TNNI3K: variants seen among roughly 807,000 people sequenced by gnomAD.
TNNI3K encodes the protein serine/threonine-protein kinase TNNI3K.
Under a neutral mutation model 114.5 loss-of-function variants are expected in TNNI3K, and 140 were observed. The ratio of observed to expected loss-of-function variants is 1.22; its 90% CI spans 1.07 to 1.41. The LOEUF is 1.41. Ranked by LOEUF, TNNI3K falls within the 40% of genes most tolerant of loss-of-function variation. TNNI3K has a pLI of 0.00. For synonymous variants in TNNI3K, 347 were observed against 347.5 expected (o/e 1.00, Z 0.02); for missense variants, 1,125 against 1,007.6 (o/e 1.12, Z -1.58).
At chr1:74,401,136 G>A (rs1570575747) in intron 17 of TNNI3K, among the ~76,000 whole-genome samples, 1 of 152,180 alleles carries the variant, frequency 6.6e-6, no homozygotes, top group African/African-American at 2.4e-5. Flanking sequence ...AGTGAGGGTA[G>A]CCTCTATACC....
chr1:74,514,727 A>G (rs891015425), intron 23 of TNNI3K, among the ~76,000 whole-genome samples: 11 of 152,026 alleles, frequency 7.2e-5, no homozygotes, highest in Non-Finnish European at 1.3e-4. Context: ...TCTGTTTGGA[A>G]CTCATGATAA....
intron 21 of TNNI3K, among the ~76,000 whole-genome samples, chr1:74,465,600 C>G (rs1328673043): frequency 6.6e-6 from 1 of 152,194 alleles, no homozygotes; most frequent in African/African-American, 2.4e-5. Context: ...CCCTGCTTCA[C>G]GGCACCGGGT....
intron 17 of TNNI3K, among the ~76,000 whole-genome samples, chr1:74,401,161 C>T (rs989408821): frequency 1.3e-5 from 2 of 152,098 alleles, no homozygotes; most frequent in African/African-American, 4.8e-5. Context: ...GAAAAGCTTT[C>T]GTAGAAACAT....
At chr1:74,482,302 A>C (rs112244813) in intron 21 of TNNI3K, among the ~76,000 whole-genome samples, 1 of 152,218 alleles carries the variant, frequency 6.6e-6, no homozygotes, top group Admixed American at 6.5e-5. Context: ...CTTCACAAAT[A>C]TGGTGTTCTG....
Position 74,235,473 on chromosome 1 carries a change from C to A in TNNI3K, c.22C>A (p.Pro8Thr). The A allele has an allele frequency of 6.6e-7, 1 of 1,510,408 alleles. No individual in the cohort carries two copies. Among genetic ancestry groups the A allele is most frequent in the South Asian group, 1.2e-5 (1 of 84,434 alleles). 93.6% of individuals were successfully genotyped at this position (1,510,408 alleles called of 1,614,324 possible). A position where few individuals can be genotyped will look rare whatever the true frequency, so the allele number is the denominator to read the frequency against. Residue 8 changes from proline to threonine, a missense_variant, in exon 1 of 25, where the codon CCA (proline) becomes ACA (threonine). By Grantham distance (38) the Pro-to-Thr change is conservative. Transcript: ENST00000326637. Reference protein sequence around the residue: MGNYKSRPTQTCTDEWKK... With the variant: MGNYKSRTTQTCTDEWKK... ...ATAAATGGGAAATTATAAATCTAGA[C>A]CAACCCAAACTTGTACTGGTAATTA...
At chr1:74,482,502 A>G (rs9326113) in intron 21 of TNNI3K, among the ~76,000 whole-genome samples, 11,379 of 152,258 alleles carry the variant, frequency 0.075, 999 homozygotes, top group African/African-American at 0.22. Flanking sequence ...ACTATCCATG[A>G]AAACCTCTCT....
At chr1:74,258,400 G>T (rs1367559176) in intron 4 of TNNI3K, among the ~76,000 whole-genome samples, 14 of 152,124 alleles carry the variant, frequency 9.2e-5, no homozygotes. Context: ...AGTATTTCAG[G>T]CAGAAAACCA....
rs557010893 is a variant in TNNI3K at position 74,465,030 on chromosome 1, A to G, written c.2121+1480A>G. 5.5e-6 allele frequency: 6 copies of G among 1,087,306 alleles called. No homozygotes were observed. The African/African-American group carries it at 6.6e-5, about 12-fold the overall frequency. The allele number at this position is 1,087,306 out of a possible 1,614,324, so 67.4% of individuals were successfully genotyped here. The stretch of plus-strand genomic sequence containing the variant: ...ATAGTTTAGGAAAACATTTTCTTGT[A>G]TTTCAGTGTGAACCTCAGAAAAAGT... On this transcript the variant is annotated intron_variant, in intron 21 of 24. Transcript: ENST00000326637.
At chr1:74,518,661 T>C (rs141731939) in intron 23 of TNNI3K, among the ~76,000 whole-genome samples, 71 of 152,270 alleles carry the variant, frequency 4.7e-4, no homozygotes, top group African/African-American at 1.6e-3. Flanking sequence ...GCATCGCTAA[T>C]AGTGTTTTCA....
At chr1:74,302,364 A>G (rs973449687) in intron 5 of TNNI3K, among the ~76,000 whole-genome samples, 1 of 152,208 alleles carries the variant, frequency 6.6e-6, no homozygotes, top group African/African-American at 2.4e-5. Context: ...TAACTCTACA[A>G]TGGCTTCTAA....
intron 5 of TNNI3K, among the ~76,000 whole-genome samples, chr1:74,278,531 T>C (rs1656816454): frequency 6.6e-6 from 1 of 152,216 alleles, no homozygotes. Flanking sequence ...GGTGCCTTTT[T>C]GTATGGTCCC....
chr1:74,472,261 C>A, intron 21 of TNNI3K: 1 of 704,248 alleles, frequency 1.4e-6, no homozygotes, highest in Non-Finnish European at 2.6e-6. Context: ...CCCAACCAAA[C>A]AGATGCGTAG....
intron 23 of TNNI3K, among the ~76,000 whole-genome samples, chr1:74,534,029 G>A (rs2344508): frequency 0.41 from 61,960 of 152,012 alleles, 15,000 homozygotes; most frequent in Non-Finnish European, 0.56. Context: ...CCAAAACGCC[G>A]GTGAAATTAA....
chr1:74,255,566 CATGA>C (rs1433401063), intron 4 of TNNI3K, among the ~76,000 whole-genome samples: 2 of 152,178 alleles, frequency 1.3e-5, no homozygotes, highest in Non-Finnish European at 2.9e-5. Context: ...TTTAATACCA[CATGA>C]ATGATTAATC....
chr1:74,486,543 A>C (rs1570687037), intron 21 of TNNI3K, among the ~76,000 whole-genome samples: 1 of 141,060 alleles, frequency 7.1e-6, no homozygotes, highest in African/African-American at 2.7e-5. Context: ...AGAAGGATGG[A>C]GTTTCCATTT....
intron 4 of TNNI3K, among the ~76,000 whole-genome samples, chr1:74,264,024 C>T (rs1333056333): frequency 6.6e-6 from 1 of 151,484 alleles, no homozygotes; most frequent in African/African-American, 2.4e-5. Context: ...GTTCAAAGGC[C>T]AATTGGAGGC....
chr1:74,275,348 C>T (rs960447656), intron 5 of TNNI3K, among the ~76,000 whole-genome samples: 4 of 152,038 alleles, frequency 2.6e-5, no homozygotes, highest in African/African-American at 9.7e-5. Flanking sequence ...ATCAAACCAC[C>T]AGATTTCCTG....
intron 17 of TNNI3K, among the ~76,000 whole-genome samples, chr1:74,412,703 C>T (rs926333156): frequency 2.0e-5 from 3 of 152,176 alleles, no homozygotes; most frequent in South Asian, 2.1e-4. Context: ...GAACCTCCCC[C>T]TCCAGGGTTC....
intron 6 of TNNI3K, among the ~76,000 whole-genome samples, chr1:74,334,129 T>C (rs1174107762): frequency 1.3e-5 from 2 of 152,230 alleles, no homozygotes; most frequent in African/African-American, 4.8e-5. Context: ...AATATTATTA[T>C]TCCAACTTTA....
Sources: gnomAD v4.1 joint callset for allele counts (sites outside exome capture counted in the v4.1 genomes callset) on GRCh38, gnomAD v4.1.1 for gene constraint, MANE v1.5 for transcripts, NCBI Gene and HGNC (gene_info 2026-07-23, HGNC 2026-07-21) for gene names.